The following LRP8 variants were observed in gnomAD, a reference collection of about 807,000 sequenced individuals.
LRP8 encodes the protein low-density lipoprotein receptor-related protein 8.
In LRP8, 46 loss-of-function variants were observed where a neutral mutation model predicts 111.6. The observed-to-expected ratio is 0.41, with a 90% CI of 0.33 to 0.53. The LOEUF is 0.53. Among genes scored for constraint, LRP8 ranks in the 20% least tolerant of loss-of-function variants. The pLI, the probability that LRP8 is intolerant of heterozygous loss-of-function variation, is 0.20. For missense variants in LRP8, 959 were observed against 1,297.4 expected (o/e 0.74, Z 4.01); for synonymous variants, 464 against 511.2 (o/e 0.91, Z 1.24).
At chr1:53,288,458 A>G (rs1647983829) in intron 3 of LRP8, 2 of 151,512 alleles carry the variant, frequency 1.3e-5, no homozygotes, top group Admixed American at 6.6e-5. Flanking sequence ...GGCCTGCGGC[A>G]TGGCTGGGGA....
At chr1:53,300,131 A>C (rs1334736474) in intron 2 of LRP8, among the ~76,000 whole-genome samples, 2 of 152,200 alleles carry the variant, frequency 1.3e-5, no homozygotes, top group Middle Eastern at 3.2e-3. Context: ...GGCACTCAGG[A>C]ACAGTTCAAC....
At chr1:53,270,950 C>T (rs541122211) in intron 8 of LRP8, 78 bp downstream of exon 8, 6 of 1,604,138 alleles carry the variant, frequency 3.7e-6, no homozygotes, top group Middle Eastern at 3.8e-4. Flanking sequence ...CATGTACACG[C>T]CCACTCCTCA....
chr1:53,266,966 C>T lies in LRP8; in HGVS notation c.1253-319G>A, dbSNP rs888863030. 3.6e-6 allele frequency: 1 copy of T among 275,236 alleles called. No homozygotes were observed. The highest frequency in any genetic ancestry group is 2.1e-5 in the African/African-American group (1 of 46,966). 17.0% of individuals were successfully genotyped at this position (275,236 alleles called of 1,614,324 possible). On this transcript the variant is annotated intron_variant, in intron 8 of 18. Transcript: ENST00000306052. This position sits in a 1 kb window ranked among gnomAD's most constrained non-coding sequence, Gnocchi z 5.0. ...GTGTGACCCCAAGTTCCCTGTCCAG[C>T]CTCATTACTCGCCTCTCCAACATAG...
intron 2 of LRP8, among the ~76,000 whole-genome samples, chr1:53,307,628 G>A (rs1446486252): frequency 6.6e-6 from 1 of 152,236 alleles, no homozygotes; most frequent in African/African-American, 2.4e-5. Flanking sequence ...ACACACTGCA[G>A]CACACAGACC....
At position 53,294,546 on chromosome 1, in the gene LRP8, C is replaced by T. The variant is rs534186618; in HGVS notation, c.245-4857G>A. 2.6e-4 allele frequency among the ~76,000 whole-genome samples: 40 copies of T among 152,262 alleles called. No homozygotes were observed. Among genetic ancestry groups the T allele is most frequent in the African/African-American group, 9.4e-4 (39 of 41,552 alleles). ...GGACACACAGGGTCATTGTGAGAAG[C>T]AAATAAGCTAAGGATGGCCCCAGGG... On this transcript the variant is annotated intron_variant, in intron 2 of 18. Transcript: ENST00000306052. This position sits in a 1 kb window ranked among gnomAD's most constrained non-coding sequence, Gnocchi z 4.1.
At chr1:53,289,432 G>T in intron 3 of LRP8, 135 bp downstream of exon 3, 1 of 1,241,604 alleles carries the variant, frequency 8.1e-7, no homozygotes, top group Non-Finnish European at 1.1e-6. Context: ...AAATATATCT[G>T]TTTACCAGGA....
chr1:53,275,658 C>T lies in LRP8; in HGVS notation c.979G>A (p.Gly327Arg), dbSNP rs1247589587. 4 of 1,613,966 alleles carry T rather than the reference C, an allele frequency of 2.5e-6. No individual in the cohort carries two copies. The African/African-American group carries it at 5.3e-5, about 22-fold the overall frequency. ...TGTAGGCAGCCAGCTTCATCACTCC[C>T]ATCTGGACAGTCCTGCTCCTGGTTG... is the stretch of plus-strand genomic sequence containing the variant. ...HCNQEQDCPDGSDEAGCLQGL... is the reference protein window; with the variant it reads ...HCNQEQDCPDRSDEAGCLQGL... Residue 327 changes from glycine to arginine, a missense_variant, in exon 6 of 19, where the codon GGG (glycine) becomes AGG (arginine). Transcript: ENST00000306052. The surrounding 1 kb of genome is among the most constrained non-coding windows in gnomAD (Gnocchi z 4.4).
chr1:53,242,666 G>A lies in LRP8; in HGVS notation c.*4352C>T, dbSNP rs541262899. 6.6e-6 allele frequency: 1 copy of A among 152,098 alleles called. No individual in the cohort carries two copies. The highest frequency in any genetic ancestry group is 1.9e-4 in the East Asian group (1 of 5,188). 9.4% of individuals were successfully genotyped at this position (152,098 alleles called of 1,614,324 possible). On this transcript the variant is annotated 3_prime_UTR_variant, in exon 19 of 19. Transcript: ENST00000306052. ...GGGTTGGTAGGGGGAGACAAACAAG[G>A]AGAATCCACTTGGGAACAATTTGAT...
chr1:53,327,739 G>C (rs1655352166), intron 1 of LRP8, 50 bp downstream of exon 1: 3 of 1,413,506 alleles, frequency 2.1e-6, no homozygotes, highest in East Asian at 6.2e-5. Context: ...GCCGCGCTTT[G>C]TTGGTGGCTA....
In LRP8 at chr1:53,266,663, G is replaced by A; in HGVS notation, c.1253-16C>T. 3 of 1,613,108 alleles carry A rather than the reference G, an allele frequency of 1.9e-6. No homozygotes were observed. The highest frequency in any genetic ancestry group is 2.5e-6 in the Non-Finnish European group (3 of 1,179,416). On this transcript the variant is annotated splice_polypyrimidine_tract_variant and intron_variant, in intron 8 of 18. Transcript: ENST00000306052. The surrounding 1 kb of genome is among the most constrained non-coding windows in gnomAD (Gnocchi z 5.0). The stretch of plus-strand genomic sequence containing the variant: ...CTCTTGCCAGCTGTCATGCAGGGAG[G>A]TTGAAAGAGAAAGAGTCAGTGCAAG...
At chr1:53,308,076 C>T (rs909992086) in intron 2 of LRP8, among the ~76,000 whole-genome samples, 2 of 152,234 alleles carry the variant, frequency 1.3e-5, no homozygotes, top group South Asian at 2.1e-4. Context: ...GGATGCAGGG[C>T]GCTCAGTCCC....
chr1:53,257,609 T>C (rs1646149784), intron 14 of LRP8, 145 bp from the exon 15 acceptor site: 3 of 637,164 alleles, frequency 4.7e-6, no homozygotes, highest in African/African-American at 1.8e-5. Flanking sequence ...CCCAGTGGGC[T>C]ATGATCTTTT....
intron 2 of LRP8, among the ~76,000 whole-genome samples, chr1:53,298,432 C>A (rs927061872): frequency 3.9e-5 from 6 of 152,194 alleles, no homozygotes; most frequent in African/African-American, 1.4e-4. Flanking sequence ...AGGGACCAAG[C>A]ATTACGCAAG....
chr1:53,255,214 T>A (rs747324360), intron 15 of LRP8, 29 bp from the exon 16 acceptor site: 1 of 1,606,258 alleles, frequency 6.2e-7, no homozygotes, highest in Admixed American at 1.7e-5. Context: ...TGCAGAATGA[T>A]GCTCTATCAC....
chr1:53,327,180 C>T, intron 1 of LRP8, 188 bp from the exon 2 acceptor site: 1 of 731,014 alleles, frequency 1.4e-6, no homozygotes. Context: ...TGTCGGGCCG[C>T]TCGGTGGCAC....
At chr1:53,281,767 T>C (rs934150814) in intron 3 of LRP8, among the ~76,000 whole-genome samples, 1 of 152,226 alleles carries the variant, frequency 6.6e-6, no homozygotes, top group African/African-American at 2.4e-5. Flanking sequence ...AGGATTGTTA[T>C]GATGACTAAG....
rs747818093 is a variant in LRP8 at position 53,249,475 on chromosome 1, G to A, written c.2758C>T (p.Leu920Phe). Reference sequence around the variant, plus strand: ...CCCGGCAAGACAAAAAGCTCCTTGAGGGCAGGGGCTGGGTCTTCCGGTTCT... The same window carrying A: ...CCCGGCAAGACAAAAAGCTCCTTGAAGGCAGGGGCTGGGTCTTCCGGTTCT... Reference protein sequence around the residue: ...TREPEDPAPALKELFVLPGEP... With the variant: ...TREPEDPAPAFKELFVLPGEP... Residue 920 changes from leucine to phenylalanine, a missense_variant, in exon 18 of 19, where the codon CTC becomes TTC. Leu to Phe is a conservative substitution (Grantham distance 22). This residue lies in a region of LRP8 where 819 missense variants were observed against 1,097.6 expected (regional missense o/e 0.75). Transcript: ENST00000306052. The surrounding 1 kb of genome is among the most constrained non-coding windows in gnomAD (Gnocchi z 4.1). The A allele has an allele frequency of 5.0e-6, 8 of 1,614,044 alleles. No individual in the cohort carries two copies. The South Asian group carries it at 8.8e-5, about 18-fold the overall frequency.
intron 2 of LRP8, among the ~76,000 whole-genome samples, chr1:53,315,145 G>C (rs978748506): frequency 1.3e-5 from 2 of 152,146 alleles, no homozygotes; most frequent in African/African-American, 4.8e-5. Flanking sequence ...AGGTCCCTAA[G>C]GCTCTGGGCT....
intron 2 of LRP8, among the ~76,000 whole-genome samples, chr1:53,306,521 C>T (rs532576469): frequency 6.6e-6 from 1 of 152,358 alleles, no homozygotes; most frequent in Non-Finnish European, 1.5e-5. Context: ...CGAGCTGCTG[C>T]GTGGCTTTGA....
Sources: gnomAD v4.1 joint callset for allele counts (sites outside exome capture counted in the v4.1 genomes callset) on GRCh38, gnomAD v4.1.1 for gene constraint, gnomAD v4.1.1 regional missense constraint, Gnocchi (gnomAD v3.1) non-coding constraint, MANE v1.5 for transcripts, NCBI Gene and HGNC (gene_info 2026-07-23, HGNC 2026-07-21) for gene names.